Variants in DSG2 observed in about 807,000 individuals in gnomAD.
DSG2 encodes desmoglein 2.
DSG2 carries 45 observed loss-of-function variants against 75.6 expected under a neutral mutation model. The observed-to-expected ratio is 0.60, with a 90% confidence interval of 0.47 to 0.76. DSG2 has a LOEUF of 0.76. Ranked by LOEUF, DSG2 falls within the 30% of genes least tolerant of loss-of-function variation. DSG2 has a pLI of 0.00. For missense variants in DSG2, 1,267 were observed against 1,357.4 expected, an observed-to-expected ratio of 0.93 and a Z score of 1.05; for synonymous variants, 429 against 483.9, an observed-to-expected ratio of 0.89 and a Z score of 1.49.
chr18:31,521,919 C>T (rs1003006094), intron 5 of DSG2, among the ~76,000 whole-genome samples, 164 bp from the exon 6 acceptor site: 1 of 152,190 alleles, frequency 6.6e-6, no homozygotes, highest in African/African-American at 2.4e-5. Flanking sequence ...ATCCCATTCA[C>T]GCTTATGTCC....
At chr18:31,508,633 A>G (rs1164513846) in intron 1 of DSG2, among the ~76,000 whole-genome samples, 1 of 152,098 alleles carries the variant, frequency 6.6e-6, no homozygotes, top group Non-Finnish European at 1.5e-5. Flanking sequence ...ACCACAGGTG[A>G]TCTGCCTACC....
At chr18:31,544,449 TA>T (rs1291370355) in intron 14 of DSG2, among the ~76,000 whole-genome samples, 3 of 152,118 alleles carry the variant, frequency 2.0e-5, no homozygotes, top group African/African-American at 7.2e-5. Flanking sequence ...AGGGAAATTG[TA>T]GCAAAAATGG....
rs757320839 is a variant in DSG2 at position 31,531,162 on chromosome 18, T to C, written c.1190T>C (p.Val397Ala). ...AAAAGCAGCGTCATCTCAATTTATG[T>C]TAGCGAGAGCATGGATAGATCAAGC... ...HFKSSVISIY[V>A]SESMDRSSKG... is the part of the protein sequence containing the mutation. The change falls in exon 9 of 15, where the codon GTT becomes GCT. Residue 397 changes from valine to alanine, a missense_variant. Val to Ala is a moderately conservative substitution (Grantham distance 64). Transcript: ENST00000261590. 4 of 1,614,198 alleles carry C rather than the reference T, an allele frequency of 2.5e-6. No homozygotes were observed. Among genetic ancestry groups the C allele is most frequent in the Non-Finnish European group, 3.4e-6 (4 of 1,180,022 alleles).
Position 31,498,241 on chromosome 18 carries a change from G to A in DSG2, c.-11G>A, listed in dbSNP as rs727504450. ...AGCGGTGCGGCGGCGGGAGGCGGAG[G>A]CGAGGGTGCGATGGCGCGGAGCCCG... On this transcript the variant is annotated 5_prime_UTR_variant, in exon 1 of 15. Transcript: ENST00000261590. 31 of 1,255,106 alleles carry A rather than the reference G, an allele frequency of 2.5e-5. 1 individual carries two copies. The Admixed American group carries it at 1.2e-3, about 49-fold the overall frequency. The allele number at this position is 1,255,106 out of a possible 1,614,324, so 77.7% of individuals were successfully genotyped here.
rs550606117 is a variant in DSG2 at position 31,534,403 on chromosome 18, G to A, written c.1281-867G>A. On this transcript the variant is annotated intron_variant, in intron 9 of 14. Coordinates refer to ENST00000261590, the MANE Select transcript of DSG2 (RefSeq NM_001943.5). ...GAAGAAACCCAGAAACGATTTTATC[G>A]GCATTGTTTCCACTTTTAACCAGTT... Among the ~76,000 whole-genome samples the A allele has an allele frequency of 1.4e-4, 22 of 151,988 alleles. No individual in the cohort carries two copies. The East Asian group carries it at 4.1e-3, about 28-fold the overall frequency.
intron 1 of DSG2, among the ~76,000 whole-genome samples, chr18:31,507,942 T>A (rs1282341005): frequency 1.3e-5 from 2 of 152,266 alleles, no homozygotes; most frequent in African/African-American, 2.4e-5. Context: ...TAGATCCCAT[T>A]TGTCAATTTT....
intron 1 of DSG2, among the ~76,000 whole-genome samples, chr18:31,505,579 C>T (rs1194617517): frequency 6.6e-6 from 1 of 151,560 alleles, no homozygotes; most frequent in Non-Finnish European, 1.5e-5. Context: ...TTTAGAAAAG[C>T]TGGAATAATG....
intron 1 of DSG2, among the ~76,000 whole-genome samples, chr18:31,507,822 A>G (rs1289401070): frequency 7.9e-5 from 12 of 152,266 alleles, no homozygotes; most frequent in Admixed American, 3.3e-4. Context: ...GATTCTGGAT[A>G]TTAGCCCTTT....
At chr18:31,506,962 T>C (rs1315478276) in intron 1 of DSG2, among the ~76,000 whole-genome samples, 1 of 152,122 alleles carries the variant, frequency 6.6e-6, no homozygotes, top group East Asian at 1.9e-4. Context: ...AGTTCTGGGG[T>C]ACATGTGCAG....
intron 1 of DSG2, 113 bp downstream of exon 1, chr18:31,498,409 C>A: frequency 8.8e-7 from 1 of 1,140,292 alleles, no homozygotes; most frequent in Non-Finnish European, 1.1e-6. Flanking sequence ...ACCTGCCCGG[C>A]GCTCCTTCCT....
At chr18:31,539,436 G>A (rs1004308042) in intron 12 of DSG2, among the ~76,000 whole-genome samples, 3 of 152,174 alleles carry the variant, frequency 2.0e-5, no homozygotes, top group African/African-American at 7.2e-5. Context: ...ACTTATCAGA[G>A]CTCCGCCTCC....
At chr18:31,530,935 C>T (rs2144332398) in intron 8 of DSG2, 52 bp from the exon 9 acceptor site, 2 of 1,577,890 alleles carry the variant, frequency 1.3e-6, no homozygotes, top group Non-Finnish European at 1.7e-6. Flanking sequence ...TATATGTATA[C>T]ATGTCTTCTG....
chr18:31,528,517 G>T (rs1335631868), intron 8 of DSG2, among the ~76,000 whole-genome samples: 1 of 152,076 alleles, frequency 6.6e-6, no homozygotes, highest in Non-Finnish European at 1.5e-5. Flanking sequence ...TTTGAGACCA[G>T]CCTGGGCAAC....
intron 8 of DSG2, among the ~76,000 whole-genome samples, chr18:31,525,419 T>C (rs2073157534): frequency 6.6e-6 from 1 of 151,730 alleles, no homozygotes; most frequent in Non-Finnish European, 1.5e-5. Context: ...CTAAAGAGGC[T>C]TAGGTGAGAG....
At chr18:31,537,875 C>T (rs891961478) in intron 11 of DSG2, among the ~76,000 whole-genome samples, 2 of 151,798 alleles carry the variant, frequency 1.3e-5, no homozygotes, top group African/African-American at 4.8e-5. Context: ...TGGTGGTGGG[C>T]ACCTGTAATC....
chr18:31,545,631 G>T (rs2073299211), intron 14 of DSG2, 90 bp from the exon 15 acceptor site: 19 of 1,444,452 alleles, frequency 1.3e-5, no homozygotes, highest in Non-Finnish European at 1.7e-5. Context: ...ACTGCATTTT[G>T]AACAGGAATA....
intron 1 of DSG2, among the ~76,000 whole-genome samples, chr18:31,506,372 G>A (rs2073039369): frequency 6.6e-6 from 1 of 152,248 alleles, no homozygotes; most frequent in Non-Finnish European, 1.5e-5. Context: ...CCTCATTTCA[G>A]AGATATAATC....
intron 14 of DSG2, among the ~76,000 whole-genome samples, chr18:31,543,887 A>G (rs1161019762): frequency 2.7e-5 from 4 of 148,938 alleles, no homozygotes; most frequent in African/African-American, 7.4e-5. Flanking sequence ...AAAAAAAAGT[A>G]TAACATAGAG....
At chr18:31,545,514 T>C (rs2073298367) in intron 14 of DSG2, among the ~76,000 whole-genome samples, 1 of 152,020 alleles carries the variant, frequency 6.6e-6, no homozygotes, top group Non-Finnish European at 1.5e-5. Context: ...TCTGCCTTTC[T>C]ATTTTTTCCC....
Sources: allele counts gnomAD v4.1 joint callset (sites outside exome capture counted in the v4.1 genomes callset), GRCh38; gene constraint gnomAD v4.1.1; transcripts MANE v1.5; gene names NCBI Gene and HGNC (gene_info 2026-07-23, HGNC 2026-07-21).